The following LUZP1 variants were observed in gnomAD, a reference collection of about 807,000 sequenced individuals.
LUZP1 encodes filamin mechanobinding actin cross-linking protein.
In LUZP1, 25 loss-of-function variants were observed where a neutral mutation model predicts 71.3. The observed-to-expected ratio is 0.35, with a 90% CI of 0.26 to 0.49. The LOEUF (loss-of-function observed/expected upper bound fraction) is 0.49, where lower values mean the gene tolerates loss of function less well. Ranked by LOEUF, LUZP1 falls within the 20% of genes least tolerant of loss-of-function variation. The pLI, the probability that LUZP1 is intolerant of heterozygous loss-of-function variation, is 0.99. For missense variants in LUZP1, 1,142 were observed against 1,300.8 expected (o/e 0.88, Z 1.88); for synonymous variants, 481 against 506.4 (o/e 0.95, Z 0.67).
intron 2 of LUZP1, among the ~76,000 whole-genome samples, chr1:23,161,700 G>A (rs1048724796): frequency 2.0e-5 from 3 of 152,090 alleles, no homozygotes; most frequent in South Asian, 2.1e-4. Flanking sequence ...GCCAGGAGAC[G>A]GGCTATACAG....
intron 3 of LUZP1, among the ~76,000 whole-genome samples, chr1:23,100,477 G>C (rs1384950376): frequency 6.6e-6 from 1 of 152,130 alleles, no homozygotes; most frequent in East Asian, 1.9e-4. Context: ...CTTTCTTGCA[G>C]GTCTATGCCA....
intron 2 of LUZP1, among the ~76,000 whole-genome samples, chr1:23,145,471 T>C (rs1219020454): frequency 6.7e-6 from 1 of 149,376 alleles, no homozygotes; most frequent in Non-Finnish European, 1.5e-5. Flanking sequence ...TTAATCTCTT[T>C]TTTTTTTTTT....
At chr1:23,113,618 A>G (rs1321997667) in intron 2 of LUZP1, among the ~76,000 whole-genome samples, 1 of 152,220 alleles carries the variant, frequency 6.6e-6, no homozygotes, top group African/African-American at 2.4e-5. Flanking sequence ...ACGGTGGCTC[A>G]TGCCTGTAAT....
intron 2 of LUZP1, chr1:23,164,044 A>G (rs1483000498): frequency 2.0e-5 from 3 of 152,084 alleles, no homozygotes; most frequent in African/African-American, 7.2e-5. Flanking sequence ...TATTATAGTC[A>G]CCCCTTTGAG....
chr1:23,174,246 C>A (rs1452164322), intron 1 of LUZP1, among the ~76,000 whole-genome samples: 1 of 152,132 alleles, frequency 6.6e-6, no homozygotes, highest in African/African-American at 2.4e-5. Flanking sequence ...TGTCCAAGGG[C>A]AGGAGAAGAT....
At chr1:23,141,903 G>T (rs1318759784) in intron 2 of LUZP1, among the ~76,000 whole-genome samples, 1 of 151,106 alleles carries the variant, frequency 6.6e-6, no homozygotes, top group African/African-American at 2.4e-5. Flanking sequence ...GAGTGCAATG[G>T]CGCCATCTCC....
exon 5 of LUZP1, chr1:23,085,803 C>G (rs1643756753): frequency 1.3e-5 from 2 of 152,226 alleles, no homozygotes; most frequent in Non-Finnish European, 2.9e-5. Flanking sequence ...AAAACAGCCA[C>G]AGCTTCTTTA....
intron 2 of LUZP1, among the ~76,000 whole-genome samples, chr1:23,167,070 A>G (rs1179634658): frequency 4.6e-5 from 7 of 152,196 alleles, no homozygotes; most frequent in Non-Finnish European, 1.0e-4. Context: ...GGGAATTCTG[A>G]GCAAAACAAT....
Position 23,122,020 on chromosome 1 carries a change from ATAAAT to A in LUZP1, c.-225-12898_-225-12894del, listed in dbSNP as rs1557658237. Among the ~76,000 whole-genome samples the A allele has an allele frequency of 3.3e-5, 5 of 152,134 alleles. No homozygotes were observed. The South Asian group carries it at 6.2e-4, about 19-fold the overall frequency. ...GAGCAAGAGTCTGTCTTAAAAATAAATAAATTAATTAATTAATTAATTAATTTTAA... is the reference window on the plus strand; with the variant it reads ...GAGCAAGAGTCTGTCTTAAAAATAAATAATTAATTAATTAATTAATTTTAA... On this transcript the variant is annotated intron_variant, in intron 2 of 4. Coordinates refer to ENST00000302291, the Ensembl canonical transcript of LUZP1.
At chr1:23,162,004 C>T (rs1403321320) in intron 2 of LUZP1, among the ~76,000 whole-genome samples, 20 of 111,966 alleles carry the variant, frequency 1.8e-4, no homozygotes, top group African/African-American at 6.5e-4. Context: ...CCAGCCTGGG[C>T]GACAGAACGA....
rs368768250 is a variant in LUZP1, at chr1:23,145,662, G to T, written c.-226+23104C>A. Among the ~76,000 whole-genome samples the T allele has an allele frequency of 4.0e-5, 6 of 151,826 alleles. No individual in the cohort carries two copies. The South Asian group carries it at 1.2e-3, about 32-fold the overall frequency. ...TTTTTGTATTTTTAGTAGAGACAGG[G>T]TTTCATCGTTATTGGTCAGGCTGGT... is the stretch of plus-strand genomic sequence containing the variant. On this transcript the variant is annotated intron_variant, in intron 2 of 4. Coordinates refer to ENST00000302291, the Ensembl canonical transcript of LUZP1.
At chr1:23,092,349 C>T (rs1356579699) in exon 4 of LUZP1, 10 of 1,614,092 alleles carry the variant, frequency 6.2e-6, no homozygotes, top group Non-Finnish European at 8.5e-6. Flanking sequence ...ATGCGGACTG[C>T]TGTCTTCCAT....
chr1:23,152,137 T>C (rs890739611), intron 2 of LUZP1, among the ~76,000 whole-genome samples: 6 of 152,122 alleles, frequency 3.9e-5, no homozygotes, highest in African/African-American at 1.4e-4. Context: ...TTGGTTACTG[T>C]TGTTAATACA....
At chr1:23,139,103 T>C (rs1410425121) in intron 2 of LUZP1, among the ~76,000 whole-genome samples, 1 of 145,394 alleles carries the variant, frequency 6.9e-6, no homozygotes, top group African/African-American at 2.5e-5. Flanking sequence ...ATAGATTATA[T>C]ATAGATATAG....
At chr1:23,121,323 GT>G (rs1644127993) in intron 2 of LUZP1, among the ~76,000 whole-genome samples, 1 of 152,204 alleles carries the variant, frequency 6.6e-6, no homozygotes, top group Non-Finnish European at 1.5e-5. Context: ...ACATCTTCTA[GT>G]TAATTTACAT....
chr1:23,103,760 G>A (rs183788295), intron 3 of LUZP1, among the ~76,000 whole-genome samples: 56 of 149,262 alleles, frequency 3.8e-4, no homozygotes, highest in African/African-American at 1.3e-3. Flanking sequence ...TGTATTCCCC[G>A]CCCCTTGAAC....
intron 3 of LUZP1, among the ~76,000 whole-genome samples, chr1:23,104,785 A>G (rs1334341968): frequency 6.6e-6 from 1 of 152,158 alleles, no homozygotes; most frequent in Admixed American, 6.5e-5. Flanking sequence ...AAAGGGGACT[A>G]TTTTCAGATC....
At chr1:23,157,087 A>G (rs1354682507) in intron 2 of LUZP1, among the ~76,000 whole-genome samples, 1 of 152,264 alleles carries the variant, frequency 6.6e-6, no homozygotes, top group Non-Finnish European at 1.5e-5. Flanking sequence ...TAATCCCAAC[A>G]TTTTGGAAGG....
chr1:23,103,592 T>C (rs1029596956), intron 3 of LUZP1, among the ~76,000 whole-genome samples: 6 of 151,862 alleles, frequency 4.0e-5, no homozygotes, highest in Non-Finnish European at 8.8e-5. Context: ...CACTCCATCT[T>C]TGGACAGCTC....
Sources: allele counts gnomAD v4.1 joint callset (sites outside exome capture counted in the v4.1 genomes callset), GRCh38; gene constraint gnomAD v4.1.1; transcripts MANE v1.5; gene names NCBI Gene and HGNC (gene_info 2026-07-23, HGNC 2026-07-21).